Variants in NPC1 observed in about 807,000 individuals in gnomAD.
NPC1 encodes NPC intracellular cholesterol transporter 1, also known as Niemann-Pick C1 protein.
NPC1 carries 85 observed loss-of-function variants against 140.4 expected under a neutral mutation model. That is an observed-to-expected ratio of 0.61 (90% CI 0.51 to 0.72). The LOEUF is 0.72. NPC1 is among the 30% of genes least tolerant of loss of function. The pLI is 0.00. For missense variants in NPC1, 1,504 were observed against 1,623.8 expected, an observed-to-expected ratio of 0.93 and a Z score of 1.27; for synonymous variants, 656 against 624.8, an observed-to-expected ratio of 1.05 and a Z score of -0.74.
rs753473111 is a variant in NPC1 at position 23,541,429 on chromosome 18, T to A, written c.2250A>T (p.Ala750=). Residue 750 remains alanine, a synonymous_variant, in exon 15 of 25, where the codon GCA becomes GCT. Transcript: ENST00000269228. The stretch of plus-strand genomic sequence containing the variant: ...TGTGCACGGCTGGCATCACGGACAA[T>A]GCTCCTGTCGGGGAGAGAAGGGCTC... ...FSETVAFFLG[A]LSVMPAVHTF... 1 of 1,614,052 alleles carries A rather than the reference T, an allele frequency of 6.2e-7. No individual in the cohort carries two copies. Among genetic ancestry groups the A allele is most frequent in the Non-Finnish European group, 8.5e-7 (1 of 1,180,030 alleles).
At chr18:23,513,489 G>A (rs1418594212) in intron 3 of NPC1, among the ~76,000 whole-genome samples, 2 of 152,236 alleles carry the variant, frequency 1.3e-5, no homozygotes, top group Non-Finnish European at 2.9e-5. Flanking sequence ...ATTGTGAATA[G>A]TGCTGCTGTC....
At chr18:23,546,233 A>G (rs1327933860) in intron 11 of NPC1, among the ~76,000 whole-genome samples, 2 of 132,276 alleles carry the variant, frequency 1.5e-5, no homozygotes, top group African/African-American at 2.8e-5. Flanking sequence ...TGGATGACAC[A>G]GCAAGACTCT....
At chr18:23,539,536 T>C (rs573503062) in intron 18 of NPC1, 66 bp from the exon 19 acceptor site, 2 of 1,153,068 alleles carry the variant, frequency 1.7e-6, no homozygotes, top group African/African-American at 1.5e-5. Flanking sequence ...TCAGTACTTT[T>C]TCTTAAAACC....
chr18:23,571,551 G>A (rs910673403), intron 3 of NPC1, among the ~76,000 whole-genome samples: 1 of 152,036 alleles, frequency 6.6e-6, no homozygotes, highest in Non-Finnish European at 1.5e-5. Flanking sequence ...CAGCTACTGG[G>A]GAGGCTGAGG....
intron 3 of NPC1, 21 bp downstream of exon 3, chr18:23,572,053 T>G (rs777982719): frequency 6.4e-7 from 1 of 1,552,066 alleles, no homozygotes; most frequent in Non-Finnish European, 8.9e-7. Context: ...CCAGTTGTTC[T>G]GTTTCCCCAG....
chr18:23,516,870 T>A (rs760550670), intron 3 of NPC1, among the ~76,000 whole-genome samples: 1 of 151,698 alleles, frequency 6.6e-6, no homozygotes, highest in East Asian at 1.9e-4. Flanking sequence ...GGATTACAAG[T>A]GTGCGTCACC....
chr18:23,540,717 G>C (rs2058701874), intron 16 of NPC1, among the ~76,000 whole-genome samples, 180 bp from the exon 17 acceptor site: 1 of 152,124 alleles, frequency 6.6e-6, no homozygotes. Context: ...CAAATTCCTG[G>C]GTGCAAATCC....
At position 23,535,663 on chromosome 18, in the gene NPC1, T is replaced by G; in HGVS notation, c.3283A>C (p.Ile1095Leu). 1 of 1,614,040 alleles carries G rather than the reference T, an allele frequency of 6.2e-7. No individual in the cohort carries two copies. Among genetic ancestry groups the G allele is most frequent in the East Asian group, 2.2e-5 (1 of 44,878 alleles). ...CCGAGGTTGAAGATAGTGTCGTCAA[T>G]GATGGTCAGGTACTGTTCGTAGAAG... ...YVFYEQYLTI[I>L]DDTIFNLGVS... is the part of the protein sequence containing the mutation. Residue 1095 changes from isoleucine (I) to leucine (L), a missense_variant, in exon 22 of 25, where the codon ATT (isoleucine) becomes CTT (leucine). Coordinates refer to ENST00000269228, the MANE Select transcript of NPC1 (RefSeq NM_000271.5).
At position 23,575,769 on chromosome 18, in the gene NPC1, C is replaced by CAAAAA. The variant is rs35922440; in HGVS notation, c.58-2200_58-2196dup. Reference sequence around the variant, plus strand: ...CTTCTAGAGACACAGCAGAGAAGACCAAAAAAAAAAAAAAAAAAAAAAAAA... The same window carrying CAAAAA: ...CTTCTAGAGACACAGCAGAGAAGACCAAAAAAAAAAAAAAAAAAAAAAAAAAAAAA... On this transcript the variant is annotated intron_variant, in intron 1 of 24. Transcript: ENST00000269228. Among the ~76,000 whole-genome samples the CAAAAA allele has an allele frequency of 1.2e-3, 41 of 35,100 alleles. 5 individuals are homozygous for CAAAAA. Among genetic ancestry groups the CAAAAA allele is most frequent in the South Asian group, 1.3e-3 (1 of 764 alleles). The allele number at this position is 35,100 out of a possible 152,430, so 23.0% of individuals were successfully genotyped here.
chr18:23,529,635 G>T, downstream of NPC1: 4 of 1,613,766 alleles, frequency 2.5e-6, no homozygotes, highest in Non-Finnish European at 3.4e-6. Flanking sequence ...TTCTCCCTAG[G>T]AGATGCCTCA....
chr18:23,549,738 A>T (rs1598964610), intron 10 of NPC1, among the ~76,000 whole-genome samples: 1 of 143,452 alleles, frequency 7.0e-6, no homozygotes, highest in East Asian at 2.0e-4. Context: ...TCTTTTTTTC[A>T]CAACTTTTTT....
In NPC1 at chr18:23,586,395, C is replaced by A. The variant is rs977063863; in HGVS notation, c.-52G>T. 3.9e-6 allele frequency: 6 copies of A among 1,529,170 alleles called. No homozygotes were observed. Among genetic ancestry groups the A allele is most frequent in the Admixed American group, 2.0e-5 (1 of 50,686 alleles). The allele number at this position is 1,529,170 out of a possible 1,614,324, so 94.7% of individuals were successfully genotyped here. On this transcript the variant is annotated 5_prime_UTR_variant, in exon 1 of 25. Coordinates refer to ENST00000269228, the MANE Select transcript of NPC1 (RefSeq NM_000271.5). ...CCGGCGGCGTTCGGCTGGTTGGGCTCCCCGGAGGCGGCTCTACTTCCCCGG... is the reference window on the plus strand; with the variant it reads ...CCGGCGGCGTTCGGCTGGTTGGGCTACCCGGAGGCGGCTCTACTTCCCCGG...
chr18:23,553,843 T>C (rs1471346133), intron 9 of NPC1, among the ~76,000 whole-genome samples: 1 of 148,174 alleles, frequency 6.7e-6, no homozygotes, highest in East Asian at 1.9e-4. Context: ...GGGAAGCAGC[T>C]GCAGGGCCCT....
Position 23,531,950 on chromosome 18 carries a change from A to AAGAATGAGGTTTC in NPC1, c.*239_*251dup. ...ATCTAGTGTCACCTCCTGCTTGCCA[A>AAGAATGAGGTTTC]AGAATGAGGTTTCTTTCCTGAAGAG... On this transcript the variant is annotated 3_prime_UTR_variant, in exon 25 of 25. Coordinates refer to ENST00000269228, the MANE Select transcript of NPC1 (RefSeq NM_000271.5). 6.9e-7 allele frequency: 1 copy of AAGAATGAGGTTTC among 1,445,316 alleles called. No homozygotes were observed. Among genetic ancestry groups the AAGAATGAGGTTTC allele is most frequent in the Non-Finnish European group, 9.0e-7 (1 of 1,106,906 alleles). 89.5% of individuals were successfully genotyped at this position (1,445,316 alleles called of 1,614,324 possible).
At chr18:23,524,941 CTTTTTTTTTTT>C (rs5823396), downstream of NPC1, among the ~76,000 whole-genome samples, 4 of 69,208 alleles carry the variant, frequency 5.8e-5, no homozygotes, top group African/African-American at 1.8e-4. Context: ...TTAGAGAAAT[CTTTTTTTTTTT>C]TTTTTTTTTT....
intron 11 of NPC1, among the ~76,000 whole-genome samples, chr18:23,546,424 T>C (rs28878556): frequency 0.01 from 1,525 of 152,278 alleles, 25 homozygotes; most frequent in African/African-American, 0.035. Context: ...GGTGGTGACG[T>C]AAAGCGCTAT....
At chr18:23,507,475 T>A (rs2057745136) in intron 3 of NPC1, among the ~76,000 whole-genome samples, 1 of 152,212 alleles carries the variant, frequency 6.6e-6, no homozygotes, top group African/African-American at 2.4e-5. Context: ...TTTGGCTACT[T>A]TGTGAATTAG....
chr18:23,522,184 C>A (rs1399034546), downstream of NPC1: 1 of 152,260 alleles, frequency 6.6e-6, no homozygotes, highest in African/African-American at 2.4e-5. Context: ...GAGGAAGGAG[C>A]TGGTTCTTAA....
At chr18:23,520,419 G>C (rs2058113016), downstream of NPC1, 1 of 914,608 alleles carries the variant, frequency 1.1e-6, no homozygotes, top group Non-Finnish European at 1.7e-6. Context: ...GGAATAAACA[G>C]AGATTCCCAG....
Sources: gnomAD v4.1 joint callset for allele counts (sites outside exome capture counted in the v4.1 genomes callset) on GRCh38, gnomAD v4.1.1 for gene constraint, MANE v1.5 for transcripts, NCBI Gene and HGNC (gene_info 2026-07-23, HGNC 2026-07-21) for gene names.